IL1RAPL2: variants seen among roughly 807,000 people sequenced by gnomAD.
The protein encoded by IL1RAPL2 is interleukin 1 receptor accessory protein like 2.
In IL1RAPL2, 3 loss-of-function variants were observed where a neutral mutation model predicts 44.1. That is an observed-to-expected ratio of 0.07 (90% confidence interval 0.03 to 0.18). IL1RAPL2 has a LOEUF of 0.18. Among genes scored for constraint, IL1RAPL2 ranks in the 10% least tolerant of loss-of-function variants. IL1RAPL2 has a pLI of 1.00. For missense variants in IL1RAPL2, 391 were observed against 496.4 expected (o/e 0.79, Z 2.02); for synonymous variants, 181 against 178.8 (o/e 1.01, Z -0.10).
intron 6 of IL1RAPL2, among the ~76,000 whole-genome samples, chrX:105,510,910 C>A (rs1489516921): frequency 8.9e-6 from 1 of 111,936 alleles, no homozygotes; most frequent in African/African-American, 3.2e-5. Flanking sequence ...TGTTTTGCCA[C>A]AAACTTTGTG....
chrX:104,793,033 C>T (rs188673281), intron 2 of IL1RAPL2, among the ~76,000 whole-genome samples: 49 of 112,029 alleles, frequency 4.4e-4, no homozygotes, highest in Non-Finnish European at 8.5e-4. Context: ...GTTCTTTATT[C>T]AGAATGATTG....
intron 6 of IL1RAPL2, among the ~76,000 whole-genome samples, chrX:105,489,730 TTC>T (rs747133937): frequency 0.033 from 3,310 of 100,331 alleles, 183 homozygotes; most frequent in African/African-American, 0.12. Flanking sequence ...CCTTCTTTCT[TTC>T]TCTCTCTCTC....
chrX:104,774,379 A>G (rs1376710024), intron 2 of IL1RAPL2, among the ~76,000 whole-genome samples: 2 of 111,851 alleles, frequency 1.8e-5, no homozygotes, highest in African/African-American at 6.5e-5. Flanking sequence ...TGAGTGCCTT[A>G]TGTAGCTACT....
intron 6 of IL1RAPL2, among the ~76,000 whole-genome samples, chrX:105,667,743 T>C (rs941473743): frequency 9.0e-6 from 1 of 111,558 alleles, no homozygotes; most frequent in Non-Finnish European, 1.9e-5. Flanking sequence ...TTTAAGAGTT[T>C]TCCGTAGAAT....
intron 2 of IL1RAPL2, among the ~76,000 whole-genome samples, chrX:105,175,180 A>G (rs1364607572): frequency 9.0e-6 from 1 of 111,347 alleles, no homozygotes; most frequent in Admixed American, 9.6e-5. Flanking sequence ...TATTACTACT[A>G]TTTACCAGCT....
intron 5 of IL1RAPL2, among the ~76,000 whole-genome samples, chrX:105,295,181 G>A (rs1286820710): frequency 9.0e-6 from 1 of 111,162 alleles, no homozygotes; most frequent in East Asian, 2.8e-4. Context: ...CATATAATTT[G>A]GGCATTTTGG....
intron 2 of IL1RAPL2, among the ~76,000 whole-genome samples, chrX:104,888,725 C>CA (rs1345017477): frequency 6.3e-5 from 7 of 111,136 alleles, no homozygotes; most frequent in East Asian, 2.8e-4. Context: ...CCCATTCCTG[C>CA]AAAAAAACTG....
chrX:105,582,298 A>G (rs2037094743), intron 6 of IL1RAPL2, among the ~76,000 whole-genome samples: 1 of 111,068 alleles, frequency 9.0e-6, no homozygotes. Context: ...TTGCTCTTCT[A>G]AGTCTTTTGT....
At chrX:105,188,436 G>A (rs2033608288) in intron 2 of IL1RAPL2, among the ~76,000 whole-genome samples, 1 of 111,756 alleles carries the variant, frequency 8.9e-6, no homozygotes, top group Non-Finnish European at 1.9e-5. Context: ...CAGGAAATCA[G>A]AAGTTGAGGA....
intron 2 of IL1RAPL2, among the ~76,000 whole-genome samples, chrX:104,908,308 A>G (rs1332502265): frequency 9.0e-6 from 1 of 111,187 alleles, no homozygotes; most frequent in Non-Finnish European, 1.9e-5. Flanking sequence ...TTTACATTTA[A>G]AGTTAATATT....
At chrX:105,008,806 G>T (rs1369945672) in intron 2 of IL1RAPL2, among the ~76,000 whole-genome samples, 1 of 111,659 alleles carries the variant, frequency 9.0e-6, no homozygotes, top group South Asian at 3.7e-4. Context: ...CCATCAGAGT[G>T]AACAGGCAGC....
At chrX:104,777,392 CTAAG>C (rs1200574880) in intron 2 of IL1RAPL2, among the ~76,000 whole-genome samples, 1 of 109,993 alleles carries the variant, frequency 9.1e-6, no homozygotes, top group Non-Finnish European at 1.9e-5. Context: ...CTTTTTAAAG[CTAAG>C]TAATATTTCG....
chrX:104,613,955 C>G (rs1015290954), intron 1 of IL1RAPL2, among the ~76,000 whole-genome samples: 4 of 109,444 alleles, frequency 3.7e-5, no homozygotes, highest in Non-Finnish European at 7.6e-5. Flanking sequence ...TCAGTTTTCT[C>G]TAGATTTTCT....
At chrX:105,328,706 G>A (rs1265198144) in intron 5 of IL1RAPL2, among the ~76,000 whole-genome samples, 1 of 111,928 alleles carries the variant, frequency 8.9e-6, no homozygotes, top group Non-Finnish European at 1.9e-5. Context: ...GATGGACTAC[G>A]TGTATGATGG....
chrX:105,726,396 T>C (rs903788731), intron 7 of IL1RAPL2, among the ~76,000 whole-genome samples: 23 of 111,502 alleles, frequency 2.1e-4, no homozygotes, highest in Non-Finnish European at 3.6e-4. Context: ...AATCCTCAAT[T>C]GTCCAGAATG....
In IL1RAPL2 at chrX:105,741,430, C is replaced by T. The variant is rs942925382; in HGVS notation, c.1048+739C>T. Among the ~76,000 whole-genome samples the T allele has an allele frequency of 9.8e-5, 11 of 111,781 alleles. No individual in the cohort carries two copies. The East Asian group carries it at 1.1e-3, about 11-fold the overall frequency. On this transcript the variant is annotated intron_variant, in intron 8 of 10. Transcript: ENST00000372582. ...TAAATACTTTTTGTATATGTACATC[C>T]GGCAAAGGCTTTGCAAATGTAGCAG...
chrX:105,203,122 G>A (rs1159210512), intron 3 of IL1RAPL2, among the ~76,000 whole-genome samples: 1 of 111,588 alleles, frequency 9.0e-6, no homozygotes, highest in African/African-American at 3.3e-5. Context: ...TACATATTCT[G>A]CCTTCCAGCC....
chrX:105,766,220 T>A (rs948187389), intron 10 of IL1RAPL2, among the ~76,000 whole-genome samples: 1 of 111,935 alleles, frequency 8.9e-6, no homozygotes, highest in Non-Finnish European at 1.9e-5. Flanking sequence ...CACTGTTCAT[T>A]TCACACCATC....
intron 5 of IL1RAPL2, among the ~76,000 whole-genome samples, chrX:105,417,741 A>G (rs1467732576): frequency 8.9e-6 from 1 of 111,734 alleles, no homozygotes; most frequent in African/African-American, 3.3e-5. Context: ...ATCCTCAAGA[A>G]GCTTCTAGTC....
Sources: allele counts gnomAD v4.1 joint callset (sites outside exome capture counted in the v4.1 genomes callset), GRCh38; gene constraint gnomAD v4.1.1; transcripts MANE v1.5; gene names NCBI Gene and HGNC (gene_info 2026-07-23, HGNC 2026-07-21).